The following NPM1 variants were observed in gnomAD, a reference collection of about 807,000 sequenced individuals.
The protein encoded by NPM1 is nucleophosmin.
Under a neutral mutation model 44.1 loss-of-function variants are expected in NPM1, and 1 was observed. That is an observed-to-expected ratio of 0.02 (90% CI 0.01 to 0.11). NPM1 has a LOEUF of 0.11. NPM1 is among the 10% of genes least tolerant of loss of function. The pLI, the probability that NPM1 is intolerant of heterozygous loss-of-function variation, is 1.00. For synonymous variants in NPM1, 126 were observed against 111.8 expected, an observed-to-expected ratio of 1.13 and a Z score of -0.80; for missense variants, 197 against 347.8, an observed-to-expected ratio of 0.57 and a Z score of 3.45.
chr5:171,393,751 G>A (rs151176245), intron 6 of NPM1, among the ~76,000 whole-genome samples: 2 of 152,266 alleles, frequency 1.3e-5, no homozygotes, highest in East Asian at 3.9e-4. Context: ...TGGGAGTTTA[G>A]GTTTTAAGCT....
chr5:171,396,198 C>T (rs1770874012), intron 6 of NPM1, among the ~76,000 whole-genome samples: 1 of 152,132 alleles, frequency 6.6e-6, no homozygotes, highest in Admixed American at 6.5e-5. Flanking sequence ...TCAGGCTAGT[C>T]TTGAACTCCT....
At chr5:171,389,895 C>G (rs1770485399) in intron 1 of NPM1, among the ~76,000 whole-genome samples, 156 bp from the exon 2 acceptor site, 1 of 152,128 alleles carries the variant, frequency 6.6e-6, no homozygotes, top group Admixed American at 6.5e-5. Context: ...GGTTTCTGTT[C>G]AAGAAATCTA....
chr5:171,388,000 C>G lies in NPM1; in HGVS notation c.52C>G (p.Leu18Val). ...DMSPLRPQNY[L>V]FGCELKADKD... The stretch of plus-strand genomic sequence containing the variant: ...GAGCCCCCTGAGGCCCCAGAACTAT[C>G]TTTTCGGTAACTGCTGGGGGGAGCT... The change falls in exon 1 of 11, where the codon CTT becomes GTT. Residue 18 changes from leucine to valine, a missense_variant. This residue lies in a region of NPM1 where 43 missense variants were observed against 109.6 expected (regional missense o/e 0.39). Transcript: ENST00000296930. 1 of 1,493,338 alleles carries G rather than the reference C, an allele frequency of 6.7e-7. No individual in the cohort carries two copies. Among genetic ancestry groups the G allele is most frequent in the Non-Finnish European group, 9.1e-7 (1 of 1,104,222 alleles). The allele number at this position is 1,493,338 out of a possible 1,614,324, so 92.5% of individuals were successfully genotyped here.
At chr5:171,390,194 A>G in intron 2 of NPM1, 64 bp downstream of exon 2, 1 of 947,620 alleles carries the variant, frequency 1.1e-6, no homozygotes, top group Non-Finnish European at 1.6e-6. Context: ...GTTTCTATTC[A>G]TGTGGCTTGA....
intron 7 of NPM1, 67 bp downstream of exon 7, chr5:171,400,277 T>A (rs1771125540): frequency 7.1e-7 from 1 of 1,409,476 alleles, no homozygotes; most frequent in Non-Finnish European, 9.7e-7. Flanking sequence ...TAGTGCTATT[T>A]GCTTGTTTTG....
chr5:171,409,611 A>G (rs1036932042), intron 10 of NPM1, among the ~76,000 whole-genome samples: 4 of 152,180 alleles, frequency 2.6e-5, no homozygotes, highest in African/African-American at 7.2e-5. Context: ...CTGAGAACCC[A>G]TTGGCTGTGA....
intron 6 of NPM1, among the ~76,000 whole-genome samples, chr5:171,396,315 T>C (rs1770881836): frequency 6.6e-6 from 1 of 152,174 alleles, no homozygotes; most frequent in Admixed American, 6.6e-5. Flanking sequence ...TTGATAGCTA[T>C]TTTGATAGTA....
chr5:171,391,453 G>T (rs1338681213), intron 3 of NPM1, 29 bp downstream of exon 3: 1 of 1,603,564 alleles, frequency 6.2e-7, no homozygotes, highest in Non-Finnish European at 8.5e-7. Flanking sequence ...TTTGGATGTT[G>T]TGTCAAGGTT....
At chr5:171,407,461 T>C (rs1771631750) in intron 9 of NPM1, 2 of 524,550 alleles carry the variant, frequency 3.8e-6, no homozygotes, top group African/African-American at 4.0e-5. Flanking sequence ...TTTATGTTCC[T>C]AGAGAGGTTG....
At chr5:171,401,444 CTT>C (rs943850550) in intron 8 of NPM1, among the ~76,000 whole-genome samples, 34 of 151,970 alleles carry the variant, frequency 2.2e-4, no homozygotes, top group Admixed American at 7.2e-4. Context: ...AGCCAATAGA[CTT>C]TTTTGAAAGA....
At chr5:171,396,960 T>C (rs62383963) in intron 6 of NPM1, among the ~76,000 whole-genome samples, 61,467 of 151,708 alleles carry the variant, frequency 0.41, 12,446 homozygotes, top group East Asian at 0.55. Flanking sequence ...GCAACAAGAG[T>C]AAAACTCAAA....
intron 6 of NPM1, among the ~76,000 whole-genome samples, chr5:171,393,881 C>G (rs1279155893): frequency 1.3e-5 from 2 of 152,126 alleles, no homozygotes; most frequent in African/African-American, 4.8e-5. Flanking sequence ...ACCCGTAATC[C>G]TAACACCCAG....
At chr5:171,387,713 T>A (rs1454503703), upstream of NPM1, 5 of 491,986 alleles carry the variant, frequency 1.0e-5, no homozygotes, top group East Asian at 1.3e-4. Context: ...TAGAAAGGAG[T>A]GGGGTTGAAA....
Position 171,404,036 on chromosome 5 carries a change from G to T in NPM1, c.670-1266G>T, listed in dbSNP as rs1461142820. On this transcript the variant is annotated intron_variant, in intron 8 of 10. Coordinates refer to ENST00000296930, the MANE Select transcript of NPM1 (RefSeq NM_002520.7). ...CTCACTTCCCAGTAGGGGCGGCCGGGCAGAGGCAACCCTCACCTCCCGGAC... is the reference window on the plus strand; with the variant it reads ...CTCACTTCCCAGTAGGGGCGGCCGGTCAGAGGCAACCCTCACCTCCCGGAC... Among the ~76,000 whole-genome samples, 2 of 66,918 alleles carry T rather than the reference G, an allele frequency of 3.0e-5. 1 individual carries two copies. Among genetic ancestry groups the T allele is most frequent in the African/African-American group, 1.3e-4 (2 of 14,958 alleles). 43.9% of individuals were successfully genotyped at this position (66,918 alleles called of 152,430 possible). A position where few individuals can be genotyped will look rare whatever the true frequency, so the allele number is the denominator to read the frequency against.
intron 8 of NPM1, among the ~76,000 whole-genome samples, chr5:171,401,430 G>A (rs1771194478): frequency 6.6e-6 from 1 of 151,932 alleles, no homozygotes; most frequent in African/African-American, 2.4e-5. Context: ...GGTGGGGCGG[G>A]GGGAGCCAAT....
At chr5:171,400,530 C>T (rs1771141048) in intron 7 of NPM1, among the ~76,000 whole-genome samples, 1 of 150,878 alleles carries the variant, frequency 6.6e-6, no homozygotes, top group Non-Finnish European at 1.5e-5. Flanking sequence ...GATCTCAGCT[C>T]ACTGCAACTT....
chr5:171,403,640 A>ACC lies in NPM1; in HGVS notation c.670-1655_670-1654dup, dbSNP rs531134823. On this transcript the variant is annotated intron_variant, in intron 8 of 10. Coordinates refer to ENST00000296930, the MANE Select transcript of NPM1 (RefSeq NM_002520.7). ...GGCGGCTGGCCGGGCAGGGGGGCTG[A>ACC]CCCCCCCCACCTCCCTCCCGGACGG... 7.7e-3 allele frequency among the ~76,000 whole-genome samples: 464 copies of ACC among 59,990 alleles called. 1 individual carries two copies. Among genetic ancestry groups the ACC allele is most frequent in the Middle Eastern group, 0.03 (2 of 66 alleles). 39.4% of individuals were successfully genotyped at this position (59,990 alleles called of 152,430 possible).
rs776296423 is a variant in NPM1, at chr5:171,400,220, T to TA, written c.582+11dup. ...AGCGCCAGTGAAGAAAGTGAGTAGA[T>TA]ACAATGCTACAAGGTTGTTAAACTA... is the stretch of plus-strand genomic sequence containing the variant. On this transcript the variant is annotated intron_variant, in intron 7 of 10. Coordinates refer to ENST00000296930, the MANE Select transcript of NPM1 (RefSeq NM_002520.7). The TA allele has an allele frequency of 1.7e-5, 28 of 1,613,612 alleles. No homozygotes were observed. The highest frequency in any genetic ancestry group is 5.0e-5 in the Admixed American group (3 of 59,988).
intron 6 of NPM1, 95 bp downstream of exon 6, chr5:171,393,073 T>C: frequency 1.4e-6 from 2 of 1,474,664 alleles, no homozygotes; most frequent in Non-Finnish European, 1.8e-6. Context: ...ATAAAAGTCA[T>C]TTACAAAAAG....
Sources: gnomAD v4.1 joint callset for allele counts (sites outside exome capture counted in the v4.1 genomes callset) on GRCh38, gnomAD v4.1.1 for gene constraint, gnomAD v4.1.1 regional missense constraint, MANE v1.5 for transcripts, NCBI Gene and HGNC (gene_info 2026-07-23, HGNC 2026-07-21) for gene names.